Variants in PARD3B observed in about 807,000 individuals in gnomAD.
PARD3B encodes the protein partitioning defective 3 homolog B.
A neutral mutation model predicts 130.2 loss-of-function variants in PARD3B; 103 were observed. That is an observed-to-expected ratio of 0.79 (90% confidence interval 0.67 to 0.93). The LOEUF (loss-of-function observed/expected upper bound fraction) is 0.93, where lower values mean the gene tolerates loss of function less well. Ranked by LOEUF, PARD3B falls within the 40% of genes least tolerant of loss-of-function variation. The probability of loss-of-function intolerance (pLI) is 0.00; values close to 1 mark genes in which losing one functional copy is unlikely to be tolerated. For missense variants in PARD3B, 1,609 were observed against 1,499.2 expected (o/e 1.07, Z -1.21); for synonymous variants, 583 against 553.2 (o/e 1.05, Z -0.76).
chr2:205,207,489 AAAG>A (rs1468360962), intron 15 of PARD3B, among the ~76,000 whole-genome samples: 1 of 145,916 alleles, frequency 6.9e-6, no homozygotes, highest in Non-Finnish European at 1.5e-5. Context: ...ATAAAGAAAA[AAAG>A]AGAGATGAAT....
intron 15 of PARD3B, among the ~76,000 whole-genome samples, chr2:205,243,849 GAATA>G (rs1364816661): frequency 6.6e-6 from 1 of 152,162 alleles, no homozygotes; most frequent in Non-Finnish European, 1.5e-5. Flanking sequence ...TCGAATGAAT[GAATA>G]GATACAAAGT....
At chr2:205,347,234 C>T (rs1296194118) in intron 18 of PARD3B, among the ~76,000 whole-genome samples, 10 of 152,022 alleles carry the variant, frequency 6.6e-5, no homozygotes, top group African/African-American at 1.9e-4. Flanking sequence ...AGTCTATGGC[C>T]GACCTCTGTA....
At chr2:205,430,752 A>C (rs1391421180) in intron 19 of PARD3B, among the ~76,000 whole-genome samples, 21 of 152,232 alleles carry the variant, frequency 1.4e-4, no homozygotes, top group Admixed American at 1.4e-3. Context: ...GGAAAAAATA[A>C]AAAGCAAAAA....
chr2:204,999,536 C>T (rs913715323), intron 3 of PARD3B, among the ~76,000 whole-genome samples: 4 of 152,164 alleles, frequency 2.6e-5, no homozygotes, highest in South Asian at 2.1e-4. Context: ...CAGTTCCAAG[C>T]GCACCCAATC....
chr2:205,486,777 C>A (rs1362975813), intron 20 of PARD3B, among the ~76,000 whole-genome samples: 1 of 152,064 alleles, frequency 6.6e-6, no homozygotes, highest in Non-Finnish European at 1.5e-5. Flanking sequence ...AATCACCTCC[C>A]ACCAGGCCCC....
intron 10 of PARD3B, among the ~76,000 whole-genome samples, chr2:205,156,912 C>T (rs1262133031): frequency 1.3e-5 from 2 of 152,104 alleles, no homozygotes; most frequent in African/African-American, 4.8e-5. Context: ...AGTGTTAGTG[C>T]AAAGAGTGGT....
At chr2:204,688,842 T>C (rs1243537881) in intron 2 of PARD3B, among the ~76,000 whole-genome samples, 1 of 152,084 alleles carries the variant, frequency 6.6e-6, no homozygotes, top group Non-Finnish European at 1.5e-5. Flanking sequence ...TGTTTGCAAA[T>C]TGGCTACCTA....
In PARD3B at chr2:205,464,993, C is replaced by A. The variant is rs903885342; in HGVS notation, c.3044+24321C>A. ...CTGGTAATGGTGAGACTCTGTACTGCACGATAACAATGACATGACTTCGTT... is the reference window on the plus strand; with the variant it reads ...CTGGTAATGGTGAGACTCTGTACTGAACGATAACAATGACATGACTTCGTT... On this transcript the variant is annotated intron_variant, in intron 20 of 22. Transcript: ENST00000406610. Among the ~76,000 whole-genome samples the A allele has an allele frequency of 3.3e-5, 5 of 152,272 alleles. No homozygotes were observed. In the Middle Eastern group the frequency reaches 0.014, roughly 414 times the overall value.
At chr2:204,627,754 G>T (rs2034536207) in intron 1 of PARD3B, among the ~76,000 whole-genome samples, 1 of 151,948 alleles carries the variant, frequency 6.6e-6, no homozygotes, top group Non-Finnish European at 1.5e-5. Flanking sequence ...GGAATTCAAG[G>T]CTTTTAATCC....
At chr2:204,613,906 T>G (rs112804815) in intron 1 of PARD3B, among the ~76,000 whole-genome samples, 1,689 of 152,250 alleles carry the variant, frequency 0.011, 29 homozygotes, top group African/African-American at 0.038. Context: ...TGGTACAGGA[T>G]TCCCACAAAT....
At chr2:204,617,448 T>C (rs556515498) in intron 1 of PARD3B, among the ~76,000 whole-genome samples, 78 of 152,318 alleles carry the variant, frequency 5.1e-4, no homozygotes, top group African/African-American at 1.8e-3. Flanking sequence ...CTAGGTCTTT[T>C]TGGGGAGATG....
At chr2:205,028,675 G>A (rs1697206347) in intron 3 of PARD3B, among the ~76,000 whole-genome samples, 1 of 152,084 alleles carries the variant, frequency 6.6e-6, no homozygotes, top group Non-Finnish European at 1.5e-5. Flanking sequence ...ATAAGTCCTA[G>A]CCAGAGCAAT....
At chr2:204,770,988 C>G (rs1334608215) in intron 2 of PARD3B, among the ~76,000 whole-genome samples, 1 of 152,032 alleles carries the variant, frequency 6.6e-6, no homozygotes, top group African/African-American at 2.4e-5. Flanking sequence ...AAGGTTCAAT[C>G]AGAGCAGAAT....
rs1385561633 is a variant in PARD3B at position 205,017,440 on chromosome 2, G to C, written c.395-30141G>C. ...TTTTCTGGTCGAGGACATGATGGCAGATGGCAAAACTCATCTATTATAGTT... is the reference window on the plus strand; with the variant it reads ...TTTTCTGGTCGAGGACATGATGGCACATGGCAAAACTCATCTATTATAGTT... On this transcript the variant is annotated intron_variant, in intron 3 of 22. Transcript: ENST00000406610. Among the ~76,000 whole-genome samples, 15 of 152,278 alleles carry C rather than the reference G, an allele frequency of 9.9e-5. No homozygotes were observed. In the South Asian group the frequency reaches 1.0e-3, roughly 11 times the overall value.
At position 205,365,583 on chromosome 2, in the gene PARD3B, G is replaced by T. The variant is rs1043224610; in HGVS notation, c.2631-35430G>T. ...TTTTTTTTCTAATCTACAGGAAAGG[G>T]AAAACACCACTGAGATTATTTACAA... is the stretch of plus-strand genomic sequence containing the variant. On this transcript the variant is annotated intron_variant, in intron 18 of 22. Transcript: ENST00000406610. 4.4e-5 allele frequency among the ~76,000 whole-genome samples: 6 copies of T among 137,850 alleles called. No individual in the cohort carries two copies. The South Asian group carries it at 8.9e-4, about 20-fold the overall frequency. The allele number at this position is 137,850 out of a possible 152,430, so 90.4% of individuals were successfully genotyped here.
intron 2 of PARD3B, among the ~76,000 whole-genome samples, chr2:204,829,766 G>A (rs1200918231): frequency 3.3e-5 from 5 of 152,172 alleles, no homozygotes; most frequent in African/African-American, 9.6e-5. Context: ...TTGGGAGGCC[G>A]AGGTGGGCGG....
chr2:205,524,534 G>A (rs2051246855), intron 21 of PARD3B, among the ~76,000 whole-genome samples: 2 of 152,154 alleles, frequency 1.3e-5, no homozygotes, highest in South Asian at 4.1e-4. Context: ...TTTTGGCCCA[G>A]CCGTCTCGTC....
chr2:204,986,656 C>T (rs923474704), intron 3 of PARD3B, among the ~76,000 whole-genome samples: 1 of 152,170 alleles, frequency 6.6e-6, no homozygotes, highest in Non-Finnish European at 1.5e-5. Flanking sequence ...TTCAGAGTTT[C>T]TCAGTCTTTT....
At chr2:204,703,869 A>G (rs2038011290) in intron 2 of PARD3B, among the ~76,000 whole-genome samples, 1 of 152,142 alleles carries the variant, frequency 6.6e-6, no homozygotes. Context: ...TGTAGGGCAC[A>G]TTTCTATAAT....
Sources: allele counts gnomAD v4.1 joint callset (sites outside exome capture counted in the v4.1 genomes callset), GRCh38; gene constraint gnomAD v4.1.1; transcripts MANE v1.5; gene names NCBI Gene and HGNC (gene_info 2026-07-23, HGNC 2026-07-21).